SMARCA1: variants seen among roughly 807,000 people sequenced by gnomAD.
The protein encoded by SMARCA1 is SNF2 related chromatin remodeling ATPase 1.
Under a neutral mutation model 93.6 loss-of-function variants are expected in SMARCA1, and 17 were observed. The observed-to-expected ratio is 0.18, with a 90% CI of 0.12 to 0.27. The LOEUF is 0.27. Ranked by LOEUF, SMARCA1 falls within the 10% of genes least tolerant of loss-of-function variation. The pLI is 1.00. For synonymous variants in SMARCA1, 271 were observed against 271.4 expected (o/e 1.00, Z 0.01); for missense variants, 630 against 819.0 (o/e 0.77, Z 2.82).
At chrX:129,479,813 T>C (rs1933567442) in intron 19 of SMARCA1, among the ~76,000 whole-genome samples, 1 of 110,342 alleles carries the variant, frequency 9.1e-6, no homozygotes, top group South Asian at 3.8e-4. Flanking sequence ...TTCTCCTGCC[T>C]CAGCCTCCCG....
At chrX:129,505,602 T>C (rs1242914830) in intron 8 of SMARCA1, among the ~76,000 whole-genome samples, 1 of 110,969 alleles carries the variant, frequency 9.0e-6, no homozygotes, top group Non-Finnish European at 1.9e-5. Context: ...TAAATTTGTG[T>C]TAATGATAAA....
At position 129,518,345 on chromosome X, in the gene SMARCA1, C is replaced by G; in HGVS notation, c.261+16G>C. On this transcript the variant is annotated intron_variant, in intron 2 of 24. Coordinates refer to ENST00000371121, the MANE Select transcript of SMARCA1 (RefSeq NM_001282874.2). ...TTAATTACAGCATTCACTATCCTATCCAAGACTACATTTACCATTTTCTCT... is the reference window on the plus strand; with the variant it reads ...TTAATTACAGCATTCACTATCCTATGCAAGACTACATTTACCATTTTCTCT... 9.4e-7 allele frequency: 1 copy of G among 1,068,051 alleles called. No individual in the cohort carries two copies. 88.0% of individuals were successfully genotyped at this position (1,068,051 alleles called of 1,213,427 possible). A position where few individuals can be genotyped will look rare whatever the true frequency, so the allele number is the denominator to read the frequency against.
intron 9 of SMARCA1, among the ~76,000 whole-genome samples, chrX:129,501,770 C>T (rs1300523701): frequency 2.7e-5 from 3 of 110,500 alleles, no homozygotes; most frequent in African/African-American, 9.9e-5. Flanking sequence ...CGAGCCACCA[C>T]GCCCAGCTAA....
chrX:129,449,667 A>G (rs1289790341), intron 23 of SMARCA1, among the ~76,000 whole-genome samples: 1 of 111,982 alleles, frequency 8.9e-6, no homozygotes, highest in Non-Finnish European at 1.9e-5. Flanking sequence ...TTTAATATCA[A>G]AGGATAAATA....
intron 2 of SMARCA1, among the ~76,000 whole-genome samples, chrX:129,517,632 AAT>A (rs1192237716): frequency 9.0e-6 from 1 of 111,000 alleles, no homozygotes; most frequent in Non-Finnish European, 1.9e-5. Context: ...ACAACCAAAA[AAT>A]ATATTTCATC....
At chrX:129,469,736 G>A (rs909869288) in intron 20 of SMARCA1, among the ~76,000 whole-genome samples, 1 of 111,810 alleles carries the variant, frequency 8.9e-6, no homozygotes, top group African/African-American at 3.2e-5. Flanking sequence ...CATATACTAG[G>A]AGAAGCAGAA....
chrX:129,485,625 T>C (rs1425115716), intron 17 of SMARCA1, among the ~76,000 whole-genome samples: 1 of 111,493 alleles, frequency 9.0e-6, no homozygotes, highest in Non-Finnish European at 1.9e-5. Context: ...GTCCTCCAAA[T>C]CTCACATGGA....
At chrX:129,471,693 A>T (rs1933132374) in intron 19 of SMARCA1, among the ~76,000 whole-genome samples, 3 of 112,434 alleles carry the variant, frequency 2.7e-5, no homozygotes, top group Non-Finnish European at 5.6e-5. Context: ...AGAATGGAGA[A>T]GTGGCAACGC....
chrX:129,494,232 A>G (rs1934233472), intron 12 of SMARCA1, among the ~76,000 whole-genome samples: 1 of 111,609 alleles, frequency 9.0e-6, no homozygotes, highest in Non-Finnish European at 1.9e-5. Context: ...CTCTGCCATG[A>G]TATTCTCTTT....
At chrX:129,507,803 C>T (rs1934877350) in intron 7 of SMARCA1, 138 bp downstream of exon 7, 7 of 408,515 alleles carry the variant, frequency 1.7e-5, no homozygotes, top group South Asian at 1.1e-4. Flanking sequence ...CCGCCCTCCT[C>T]GGCCTCCCAA....
At chrX:129,517,929 T>C (rs1223009241) in intron 2 of SMARCA1, among the ~76,000 whole-genome samples, 2 of 111,733 alleles carry the variant, frequency 1.8e-5, no homozygotes, top group East Asian at 5.6e-4. Flanking sequence ...ATTTCATTAA[T>C]GTGTAGCATT....
At chrX:129,504,628 G>T (rs1934742813) in intron 9 of SMARCA1, 106 bp downstream of exon 9, 1 of 388,513 alleles carries the variant, frequency 2.6e-6, no homozygotes, top group Admixed American at 3.3e-5. Context: ...GTGACATTGA[G>T]CCAAGAGGCA....
rs1451261231 is a variant in SMARCA1 at position 129,447,190 on chromosome X, T to C, written c.3185A>G (p.Lys1062Arg). 3.5e-6 allele frequency: 4 copies of C among 1,144,789 alleles called. No homozygotes were observed. Among genetic ancestry groups the C allele is most frequent in the Non-Finnish European group, 2.3e-6 (2 of 866,309 alleles). 94.3% of individuals were successfully genotyped at this position (1,144,789 alleles called of 1,213,427 possible). A position where few individuals can be genotyped will look rare whatever the true frequency, so the allele number is the denominator to read the frequency against. The change falls in exon 25 of 25, where the codon AAG becomes AGG. Residue 1062 changes from lysine to arginine, a missense_variant. By Grantham distance (26) the Lys-to-Arg change is conservative. Coordinates refer to ENST00000371121, the MANE Select transcript of SMARCA1 (RefSeq NM_001282874.2). ...KAESATESSG[K>R]KDVKKVKS is the part of the protein sequence containing the mutation. ...GGATTTCACCTTCTTGACATCCTTC[T>C]TTCCAGAGCTCTCAGTAGCTGACTC... is the stretch of plus-strand genomic sequence containing the variant.
intron 23 of SMARCA1, among the ~76,000 whole-genome samples, chrX:129,457,844 A>G (rs1464005107): frequency 8.9e-6 from 1 of 111,979 alleles, no homozygotes; most frequent in Non-Finnish European, 1.9e-5. Flanking sequence ...TGTTTCAAGG[A>G]AGTTCCCATG....
chrX:129,504,780 G>A lies in SMARCA1; in HGVS notation c.1121C>T (p.Thr374Ile). ...TTTTTGATCACCAAGACAATTTTTAGTGTCAAACCAAGAATCAAAGTCCTG... is the reference window on the plus strand; with the variant it reads ...TTTTTGATCACCAAGACAATTTTTAATGTCAAACCAAGAATCAAAGTCCTG... ...SADDFDSWFD[T>I]KNCLGDQKLV... is the part of the protein sequence containing the mutation. The change falls in exon 9 of 25, where the codon ACT becomes ATT. Residue 374 changes from threonine to isoleucine, a missense_variant. By Grantham distance (89) the Thr-to-Ile change is moderately conservative. Transcript: ENST00000371121. 8.3e-7 allele frequency: 1 copy of A among 1,201,744 alleles called. No homozygotes were observed. Among genetic ancestry groups the A allele is most frequent in the Non-Finnish European group, 1.1e-6 (1 of 887,329 alleles).
In SMARCA1 at chrX:129,518,533, A is replaced by G. The variant is rs192202079; in HGVS notation, c.175-86T>C. Reference sequence around the variant, plus strand: ...ATGCTCTCATTAGAAGAAGGCGGAAAGTAATTACATAACTAAATATATAAA... The same window carrying G: ...ATGCTCTCATTAGAAGAAGGCGGAAGGTAATTACATAACTAAATATATAAA... On this transcript the variant is annotated intron_variant, in intron 1 of 24. Coordinates refer to ENST00000371121, the MANE Select transcript of SMARCA1 (RefSeq NM_001282874.2). 3.3e-4 allele frequency: 167 copies of G among 502,096 alleles called. No homozygotes were observed. The East Asian group carries it at 5.9e-3, about 18-fold the overall frequency. The allele number at this position is 502,096 out of a possible 1,213,427, so 41.4% of individuals were successfully genotyped here.
At chrX:129,457,987 T>C (rs1222655921) in intron 23 of SMARCA1, among the ~76,000 whole-genome samples, 1 of 112,033 alleles carries the variant, frequency 8.9e-6, no homozygotes, top group Non-Finnish European at 1.9e-5. Flanking sequence ...CCCTTGGTTA[T>C]AATTCTTTCC....
At chrX:129,480,448 A>C (rs1933603079) in intron 19 of SMARCA1, among the ~76,000 whole-genome samples, 1 of 112,389 alleles carries the variant, frequency 8.9e-6, no homozygotes, top group African/African-American at 3.2e-5. Context: ...TGGCATTATA[A>C]AAATAATGTT....
At chrX:129,451,767 G>A (rs1348733084) in intron 23 of SMARCA1, among the ~76,000 whole-genome samples, 5 of 100,699 alleles carry the variant, frequency 5.0e-5, no homozygotes, top group Non-Finnish European at 7.9e-5. Context: ...GCAGTGGCAC[G>A]ATCTCGGCTC....
Sources: allele counts gnomAD v4.1 joint callset (sites outside exome capture counted in the v4.1 genomes callset), GRCh38; gene constraint gnomAD v4.1.1; transcripts MANE v1.5; gene names NCBI Gene and HGNC (gene_info 2026-07-23, HGNC 2026-07-21).